MARCOL: variants seen among roughly 807,000 people sequenced by gnomAD.
MARCOL encodes MARCO-like protein.
Position 148,238,553 on chromosome 5 carries a change from G to T in MARCOL, c.-45G>T. ...TGAAGAGCACCTACTGCAGAGTTAG[G>T]CTTAACTCCACCCAACAGCCAAGTC... On this transcript the variant is annotated 5_prime_UTR_variant, in exon 1 of 2. Transcript: ENST00000638089. The T allele has an allele frequency of 2.5e-6, 1 of 397,726 alleles. No homozygotes were observed. The highest frequency in any genetic ancestry group is 3.6e-5 in the East Asian group (1 of 28,028). The allele number at this position is 397,726 out of a possible 1,614,324, so 24.6% of individuals were successfully genotyped here. A position where few individuals can be genotyped will look rare whatever the true frequency, so the allele number is the denominator to read the frequency against.
At chr5:148,242,318 T>A in intron 1 of MARCOL, 128 bp from the exon 2 acceptor site, 1 of 389,974 alleles carries the variant, frequency 2.6e-6, no homozygotes, top group East Asian at 3.6e-5. Context: ...GATTCTATCT[T>A]GGGGCTTGGT....
chr5:148,239,035 G>GT (rs1180083680), intron 1 of MARCOL, among the ~76,000 whole-genome samples: 1 of 151,964 alleles, frequency 6.6e-6, no homozygotes, highest in African/African-American at 2.4e-5. Flanking sequence ...AAATCTTGAT[G>GT]TTTTTTTCCC....
chr5:148,239,485 T>C (rs1029367218), intron 1 of MARCOL, among the ~76,000 whole-genome samples: 6 of 151,974 alleles, frequency 3.9e-5, no homozygotes, highest in African/African-American at 1.4e-4. Flanking sequence ...TCTCTTTTCA[T>C]TGGAAACACT....
chr5:148,239,075 C>G (rs1289471096), intron 1 of MARCOL, among the ~76,000 whole-genome samples: 1 of 151,918 alleles, frequency 6.6e-6, no homozygotes, highest in African/African-American at 2.4e-5. Context: ...ACTTGTTTAA[C>G]TTACTTGAAT....
intron 1 of MARCOL, 141 bp downstream of exon 1, chr5:148,238,787 T>G (rs13152992): frequency 1.5e-5 from 6 of 391,612 alleles, no homozygotes; most frequent in Non-Finnish European, 2.7e-5. Context: ...GGTAAATTTC[T>G]GACAAAATAA....
At chr5:148,241,161 C>CTAAGA (rs1755960348) in intron 1 of MARCOL, among the ~76,000 whole-genome samples, 2 of 101,050 alleles carry the variant, frequency 2.0e-5, no homozygotes, top group South Asian at 3.3e-4. Flanking sequence ...GGTTGCTAAG[C>CTAAGA]TTCTGTGTCT....
intron 1 of MARCOL, among the ~76,000 whole-genome samples, chr5:148,239,282 A>C (rs138124588): frequency 6.6e-6 from 1 of 151,994 alleles, no homozygotes; most frequent in East Asian, 1.9e-4. Context: ...TTGAGATGTA[A>C]ATTTCTCAAG....
intron 1 of MARCOL, among the ~76,000 whole-genome samples, chr5:148,240,063 A>G (rs897013105): frequency 6.6e-6 from 1 of 151,842 alleles, no homozygotes; most frequent in Non-Finnish European, 1.5e-5. Flanking sequence ...TCCAAAATTC[A>G]CCCTTAGTTT....
Position 148,242,963 on chromosome 5 carries a change from T to C in MARCOL, c.567T>C (p.Ser189=), listed in dbSNP as rs1340851949. Residue 189 remains serine (S), a synonymous_variant, in exon 2 of 2, where the codon TCT becomes TCC. Transcript: ENST00000638089. ...CCCAGAAAGGGAATTTAGGATCTTC[T>C]AGCCTACAAGGGCATCTGGGTTTAT... ...SSTQKGNLGS[S]SLQGHLGLSS... 1 of 399,016 alleles carries C rather than the reference T, an allele frequency of 2.5e-6. No homozygotes were observed. Among genetic ancestry groups the C allele is most frequent in the Non-Finnish European group, 4.4e-6 (1 of 226,302 alleles). 24.7% of individuals were successfully genotyped at this position (399,016 alleles called of 1,614,324 possible).
intron 1 of MARCOL, among the ~76,000 whole-genome samples, chr5:148,241,067 A>C (rs894618097): frequency 6.6e-6 from 1 of 151,962 alleles, no homozygotes; most frequent in Non-Finnish European, 1.5e-5. Flanking sequence ...AATTATTTAA[A>C]TTTATATTTT....
rs905726917 is a variant in MARCOL, at chr5:148,243,064, G to A, written c.668G>A (p.Gly223Glu). The change falls in exon 2 of 2, where the codon GGA becomes GAA. Residue 223 changes from glycine to glutamate, a missense_variant. Coordinates refer to ENST00000638089, the MANE Select transcript of MARCOL (RefSeq NM_001363511.2). ...PGSSSQQGNL[G>E]TSGQQEKPGS... ...TCATCTAGCCAACAAGGAAATCTAG[G>A]AACTTCTGGCCAACAGGAGAAGCCA... 6 of 396,854 alleles carry A rather than the reference G, an allele frequency of 1.5e-5. No homozygotes were observed. Among genetic ancestry groups the A allele is most frequent in the Non-Finnish European group, 2.7e-5 (6 of 225,048 alleles). The allele number at this position is 396,854 out of a possible 1,614,324, so 24.6% of individuals were successfully genotyped here.
chr5:148,242,073 G>A (rs1755972128), intron 1 of MARCOL, among the ~76,000 whole-genome samples: 1 of 152,140 alleles, frequency 6.6e-6, no homozygotes, highest in Admixed American at 6.6e-5. Context: ...TAGGACTAAA[G>A]TACTTGGTGT....
At chr5:148,240,982 T>A (rs914496606) in intron 1 of MARCOL, among the ~76,000 whole-genome samples, 1 of 152,004 alleles carries the variant, frequency 6.6e-6, no homozygotes, top group Non-Finnish European at 1.5e-5. Context: ...CTACTAGACT[T>A]CTCAGCTTCA....
At chr5:148,241,278 A>G (rs1755961707) in intron 1 of MARCOL, among the ~76,000 whole-genome samples, 1 of 151,982 alleles carries the variant, frequency 6.6e-6, no homozygotes, top group Admixed American at 6.6e-5. Context: ...ATAAATGTGT[A>G]TATTTATGGA....
At chr5:148,240,829 T>C (rs1040283965) in intron 1 of MARCOL, among the ~76,000 whole-genome samples, 6 of 151,958 alleles carry the variant, frequency 3.9e-5, no homozygotes, top group African/African-American at 1.4e-4. Context: ...GAATCTTATG[T>C]TTCTTATGTA....
chr5:148,243,384 C>A lies in MARCOL; in HGVS notation c.*130C>A. ...AGTGTCATCTAGCCAACAAGGGAAG[C>A]CAGTGTCATCTAGCCAACAAGGGAA... is the stretch of plus-strand genomic sequence containing the variant. On this transcript the variant is annotated 3_prime_UTR_variant, in exon 2 of 2. Transcript: ENST00000638089. 2.5e-6 allele frequency: 1 copy of A among 396,596 alleles called. No individual in the cohort carries two copies. Among genetic ancestry groups the A allele is most frequent in the Non-Finnish European group, 4.4e-6 (1 of 225,250 alleles). The allele number at this position is 396,596 out of a possible 1,614,324, so 24.6% of individuals were successfully genotyped here.
intron 1 of MARCOL, among the ~76,000 whole-genome samples, chr5:148,239,557 A>G (rs1235157983): frequency 6.6e-6 from 1 of 151,948 alleles, no homozygotes; most frequent in African/African-American, 2.4e-5. Context: ...AAGAAATATC[A>G]GTCTTGTGGT....
At chr5:148,240,930 T>G (rs912376435) in intron 1 of MARCOL, among the ~76,000 whole-genome samples, 22 of 152,028 alleles carry the variant, frequency 1.4e-4, no homozygotes, top group African/African-American at 4.8e-4. Context: ...GTGATAGCAT[T>G]GATCATTCTA....
intron 1 of MARCOL, among the ~76,000 whole-genome samples, chr5:148,241,073 A>AT (rs1219170578): frequency 6.6e-6 from 1 of 151,872 alleles, no homozygotes; most frequent in Non-Finnish European, 1.5e-5. Flanking sequence ...TTAAATTTAT[A>AT]TTTTTTTGTT....
Sources: gnomAD v4.1 joint callset for allele counts (sites outside exome capture counted in the v4.1 genomes callset) on GRCh38, gnomAD v4.1.1 for gene constraint, MANE v1.5 for transcripts, NCBI Gene and HGNC (gene_info 2026-07-23, HGNC 2026-07-21) for gene names.